Variants in WIPI2 observed in about 807,000 individuals in gnomAD.
The protein encoded by WIPI2 is WD repeat domain phosphoinositide-interacting protein 2.
A neutral mutation model predicts 52.3 loss-of-function variants in WIPI2; 28 were observed. That is an observed-to-expected ratio of 0.54 (90% CI 0.40 to 0.73). WIPI2 has a LOEUF of 0.73. WIPI2 is among the 30% of genes least tolerant of loss of function. The probability of loss-of-function intolerance (pLI) is 0.00; values close to 1 mark genes in which losing one functional copy is unlikely to be tolerated. For synonymous variants in WIPI2, 268 were observed against 245.0 expected, an observed-to-expected ratio of 1.09 and a Z score of -0.88; for missense variants, 506 against 602.9, an observed-to-expected ratio of 0.84 and a Z score of 1.68.
chr7:5,199,674 A>C lies in WIPI2; in HGVS notation c.211+16A>C. 3 of 1,536,116 alleles carry C rather than the reference A, an allele frequency of 2.0e-6. No individual in the cohort carries two copies. Among genetic ancestry groups the C allele is most frequent in the Non-Finnish European group, 1.7e-6 (2 of 1,149,244 alleles). On this transcript the variant is annotated intron_variant, in intron 3 of 12. Coordinates refer to ENST00000288828, the MANE Select transcript of WIPI2 (RefSeq NM_015610.4). ...TATGAATGCAGTAAGTGTTTGCTTT[A>C]TTTTTCCCCTTCTTAAAAAAAAAAA...
At chr7:5,222,310 C>G (rs1783182127) in intron 7 of WIPI2, among the ~76,000 whole-genome samples, 1 of 152,220 alleles carries the variant, frequency 6.6e-6, no homozygotes, top group Admixed American at 6.5e-5. Context: ...TGATATGCCA[C>G]TTTTGCCCTG....
In WIPI2 at chr7:5,227,416, T is replaced by G; in HGVS notation, c.1013+72T>G. ...CGAGGGGCCCAGTCCTGGCGGCTTG[T>G]GGCCCCTTCCGTGCTTCTGAACAGG... On this transcript the variant is annotated intron_variant, in intron 10 of 12. Coordinates refer to ENST00000288828, the MANE Select transcript of WIPI2 (RefSeq NM_015610.4). This position sits in a 1 kb window ranked among gnomAD's most constrained non-coding sequence, Gnocchi z 8.1. 6.4e-7 allele frequency: 1 copy of G among 1,564,920 alleles called. No homozygotes were observed. The highest frequency in any genetic ancestry group is 1.2e-5 in the South Asian group (1 of 86,582).
At chr7:5,219,872 G>T (rs1452161511) in intron 7 of WIPI2, among the ~76,000 whole-genome samples, 11 of 150,008 alleles carry the variant, frequency 7.3e-5, no homozygotes, top group African/African-American at 2.2e-4. Flanking sequence ...TGCTTGCTCT[G>T]TCACCCAGGC....
intron 2 of WIPI2, among the ~76,000 whole-genome samples, chr7:5,197,132 A>C (rs1781790608): frequency 2.7e-5 from 4 of 148,806 alleles, no homozygotes; most frequent in Admixed American, 6.6e-5. Flanking sequence ...AAAAAAAAAA[A>C]AAAAAAAAAA....
In WIPI2 at chr7:5,229,754, C is replaced by G; in HGVS notation, c.1252+16C>G. 5 of 1,612,914 alleles carry G rather than the reference C, an allele frequency of 3.1e-6. No individual in the cohort carries two copies. The highest frequency in any genetic ancestry group is 4.2e-6 in the Non-Finnish European group (5 of 1,179,354). On this transcript the variant is annotated intron_variant, in intron 12 of 12. Coordinates refer to ENST00000288828, the MANE Select transcript of WIPI2 (RefSeq NM_015610.4). ...ACGAGACTTGGTAAGGGGCGTGACGCAAACCTGGAAGGTAATTAGCCCCAC... is the reference window on the plus strand; with the variant it reads ...ACGAGACTTGGTAAGGGGCGTGACGGAAACCTGGAAGGTAATTAGCCCCAC...
intron 2 of WIPI2, among the ~76,000 whole-genome samples, chr7:5,199,042 C>G (rs1781888012): frequency 6.6e-6 from 1 of 152,088 alleles, no homozygotes; most frequent in Non-Finnish European, 1.5e-5. Flanking sequence ...TTTCTTGAGA[C>G]AGTATCTCGC....
chr7:5,190,524 G>A, intron 1 of WIPI2, 31 bp downstream of exon 1: 6 of 1,477,222 alleles, frequency 4.1e-6, no homozygotes, highest in Non-Finnish European at 5.4e-6. Flanking sequence ...CGGAGTCGGG[G>A]TGAGGCCAGG....
chr7:5,225,360 C>G (rs1006538029), intron 8 of WIPI2, among the ~76,000 whole-genome samples: 1 of 152,058 alleles, frequency 6.6e-6, no homozygotes, highest in Non-Finnish European at 1.5e-5. Flanking sequence ...CCAGGATGGT[C>G]TCGATATCTT....
chr7:5,193,538 T>C (rs527623107), intron 2 of WIPI2, among the ~76,000 whole-genome samples: 25 of 152,198 alleles, frequency 1.6e-4, no homozygotes, highest in Admixed American at 9.2e-4. Flanking sequence ...AAGGTACTGC[T>C]CTCCTCTCTT....
chr7:5,220,135 C>T (rs1035174575), intron 7 of WIPI2, among the ~76,000 whole-genome samples: 2 of 151,892 alleles, frequency 1.3e-5, no homozygotes, highest in African/African-American at 4.8e-5. Context: ...TGTGCCTGGC[C>T]TATATTCTGA....
intron 3 of WIPI2, among the ~76,000 whole-genome samples, chr7:5,211,055 A>T (rs1370041031): frequency 6.6e-6 from 1 of 152,198 alleles, no homozygotes; most frequent in African/African-American, 2.4e-5. Context: ...AAAGTGCAAA[A>T]AGCAGACACT....
Position 5,230,937 on chromosome 7 carries a change from G to T in WIPI2, c.1355G>T (p.Arg452Leu). The change falls in exon 13 of 13, where the codon CGG (arginine) becomes CTG (leucine). Residue 452 changes from arginine (R) to leucine (L), a missense_variant. Physicochemically the swap from Arg to Leu is moderately radical, Grantham distance 102. Transcript: ENST00000288828. The surrounding 1 kb of genome is among the most constrained non-coding windows in gnomAD (Gnocchi z 4.8). ...AGCGAGCACCCGCCCATGATTCTTC[G>T]GACTGACTGAACTTGACCTGTGACC... ...EDSEHPPMIL[R>L]TD 6.2e-7 allele frequency: 1 copy of T among 1,611,324 alleles called. No individual in the cohort carries two copies. Among genetic ancestry groups the T allele is most frequent in the Non-Finnish European group, 8.5e-7 (1 of 1,178,672 alleles).
chr7:5,213,877 G>A (rs574166378), intron 3 of WIPI2, among the ~76,000 whole-genome samples: 2 of 152,072 alleles, frequency 1.3e-5, no homozygotes, highest in African/African-American at 4.8e-5. Flanking sequence ...AGTAGAGATG[G>A]GGTTTCACCA....
chr7:5,193,067 TTA>T (rs1388549856), intron 1 of WIPI2, 49 bp from the exon 2 acceptor site: 1 of 1,564,812 alleles, frequency 6.4e-7, no homozygotes, highest in African/African-American at 1.4e-5. Flanking sequence ...TGCATAAGTT[TTA>T]TTTGTTTTTT....
At position 5,214,617 on chromosome 7, in the gene WIPI2, G is replaced by A. The variant is rs774987174; in HGVS notation, c.294G>A (p.Lys98=). The part of the protein sequence containing the change: ...VAIVSLKAPR[K]LKVCHFKKGT... Reference sequence around the variant, plus strand: ...TCGTCAGCCTTAAAGCACCAAGGAAGCTAAAGGTTTGCCACTTTAAGAAGG... The same window carrying A: ...TCGTCAGCCTTAAAGCACCAAGGAAACTAAAGGTTTGCCACTTTAAGAAGG... The change falls in exon 4 of 13, where the codon AAG becomes AAA. Residue 98 remains lysine (K), a synonymous_variant. Coordinates refer to ENST00000288828, the MANE Select transcript of WIPI2 (RefSeq NM_015610.4). 1.9e-6 allele frequency: 3 copies of A among 1,614,158 alleles called. No homozygotes were observed. The highest frequency in any genetic ancestry group is 1.3e-5 in the African/African-American group (1 of 74,946).
rs187969282 is a variant in WIPI2 at position 5,216,677 on chromosome 7, G to A, written c.478+18G>A. 1.2e-6 allele frequency: 2 copies of A among 1,611,756 alleles called. No homozygotes were observed. Reference sequence around the variant, plus strand: ...CCCTGCAGGTGAGCTAACTTGTGAGGAGAGAATCCCATTTTTCTGATTTTG... The same window carrying A: ...CCCTGCAGGTGAGCTAACTTGTGAGAAGAGAATCCCATTTTTCTGATTTTG... On this transcript the variant is annotated intron_variant, in intron 5 of 12. Coordinates refer to ENST00000288828, the MANE Select transcript of WIPI2 (RefSeq NM_015610.4).
intron 7 of WIPI2, among the ~76,000 whole-genome samples, chr7:5,219,431 A>AT (rs1330392859): frequency 7.1e-6 from 1 of 141,152 alleles, no homozygotes; most frequent in Non-Finnish European, 1.5e-5. Context: ...ACTTGATGGA[A>AT]TTTTAAGGCC....
intron 2 of WIPI2, among the ~76,000 whole-genome samples, chr7:5,193,638 T>G (rs55784412): frequency 0.033 from 4,957 of 152,332 alleles, 267 homozygotes; most frequent in African/African-American, 0.11. Flanking sequence ...ATAGTTATAA[T>G]GATCATAGCT....
intron 7 of WIPI2, among the ~76,000 whole-genome samples, chr7:5,219,934 T>A (rs1414759237): frequency 6.6e-6 from 1 of 151,722 alleles, no homozygotes; most frequent in Admixed American, 6.6e-5. Flanking sequence ...CTCCCAGGCT[T>A]AAGTGATCTT....
Sources: allele counts gnomAD v4.1 joint callset (sites outside exome capture counted in the v4.1 genomes callset), GRCh38; gene constraint gnomAD v4.1.1; non-coding constraint Gnocchi (gnomAD v3.1); transcripts MANE v1.5; gene names NCBI Gene and HGNC (gene_info 2026-07-23, HGNC 2026-07-21).